Variants in ATG4A observed in about 807,000 individuals in gnomAD.
ATG4A encodes autophagy related 4A cysteine peptidase, also known as cysteine protease ATG4A.
A neutral mutation model predicts 38.4 loss-of-function variants in ATG4A; 22 were observed. The observed-to-expected ratio is 0.57, with a 90% CI of 0.41 to 0.82. The LOEUF (loss-of-function observed/expected upper bound fraction) is 0.82, where lower values mean the gene tolerates loss of function less well. Among genes scored for constraint, ATG4A ranks in the 40% least tolerant of loss-of-function variants. The pLI is 0.00. For missense variants in ATG4A, 220 were observed against 290.0 expected (o/e 0.76, Z 1.75); for synonymous variants, 86 against 100.7 (o/e 0.85, Z 0.88).
chrX:108,100,085 G>T (rs764547687), intron 1 of ATG4A, among the ~76,000 whole-genome samples: 13 of 111,553 alleles, frequency 1.2e-4, no homozygotes, highest in Non-Finnish European at 2.3e-4. Flanking sequence ...TCCAATCCAT[G>T]AGCACCATAT....
intron 2 of ATG4A, chrX:108,126,949 G>T: frequency 3.2e-6 from 1 of 313,510 alleles, no homozygotes; most frequent in Non-Finnish European, 5.9e-6. Context: ...ACAGGAAGAG[G>T]CTGATGAAAA....
chrX:108,089,539 A>T (rs1177796671), upstream of ATG4A, among the ~76,000 whole-genome samples: 1 of 112,681 alleles, frequency 8.9e-6, no homozygotes, highest in African/African-American at 3.2e-5. Flanking sequence ...TTTTATAAAA[A>T]ATAATAAGCT....
intron 4 of ATG4A, among the ~76,000 whole-genome samples, chrX:108,133,488 A>G (rs2033016473): frequency 8.9e-6 from 1 of 112,582 alleles, no homozygotes; most frequent in South Asian, 3.7e-4. Context: ...AAAGCTCAGC[A>G]TGGACTTTTT....
chrX:108,138,672 C>G (rs1231586864), intron 9 of ATG4A, among the ~76,000 whole-genome samples: 2 of 111,743 alleles, frequency 1.8e-5, no homozygotes, highest in East Asian at 5.6e-4. Context: ...TTAATGTGGA[C>G]CCGAGCAAGC....
chrX:108,089,226 C>T (rs904300781), upstream of ATG4A, among the ~76,000 whole-genome samples: 2 of 111,947 alleles, frequency 1.8e-5, no homozygotes, highest in Non-Finnish European at 3.8e-5. Flanking sequence ...TCCTACCATT[C>T]TACACAGTGC....
intron 1 of ATG4A, among the ~76,000 whole-genome samples, chrX:108,099,515 A>AT (rs377246839): frequency 2.7e-5 from 3 of 111,085 alleles, no homozygotes; most frequent in Non-Finnish European, 3.8e-5. Flanking sequence ...CAACTTATTG[A>AT]TTTTTTTCCC....
chrX:108,115,433 C>T (rs1443567853), intron 1 of ATG4A, among the ~76,000 whole-genome samples: 1 of 111,574 alleles, frequency 9.0e-6, no homozygotes, highest in East Asian at 2.8e-4. Flanking sequence ...GGTAATACCA[C>T]CTCCCAAATG....
chrX:108,110,148 G>A (rs937092340), intron 1 of ATG4A, among the ~76,000 whole-genome samples: 2 of 104,035 alleles, frequency 1.9e-5, no homozygotes, highest in Non-Finnish European at 3.9e-5. Flanking sequence ...AGGCGGGGGC[G>A]GATCACAAGA....
intron 12 of ATG4A, among the ~76,000 whole-genome samples, chrX:108,153,427 G>A (rs371319380): frequency 1.8e-5 from 2 of 112,104 alleles, no homozygotes; most frequent in Admixed American, 9.5e-5. Flanking sequence ...CCACATCACC[G>A]TCGTTAGGTT....
chrX:108,150,181 A>G lies in ATG4A; in HGVS notation c.844A>G (p.Thr282Ala). Residue 282 changes from threonine to alanine, a missense_variant, in exon 10 of 13, where the codon ACA becomes GCA. By Grantham distance (58) the Thr-to-Ala change is moderately conservative. Coordinates refer to ENST00000372232, the MANE Select transcript of ATG4A (RefSeq NM_052936.5). ...CGAGCTCATCTTCTTGGACCCTCAT[A>G]CAACCCAGACCTTTGTTGACACTGA... ...GDELIFLDPHTTQTFVDTEEN... is the reference protein window; with the variant it reads ...GDELIFLDPHATQTFVDTEEN... 8.3e-7 allele frequency: 1 copy of G among 1,211,750 alleles called. No homozygotes were observed. Among genetic ancestry groups the G allele is most frequent in the East Asian group, 3.0e-5 (1 of 33,829 alleles).
intron 9 of ATG4A, among the ~76,000 whole-genome samples, chrX:108,139,139 C>G (rs2033175819): frequency 9.0e-6 from 1 of 111,071 alleles, no homozygotes; most frequent in African/African-American, 3.3e-5. Context: ...GTGCAAAGGA[C>G]AGGGTGGAGA....
At chrX:108,102,445 A>T (rs113697396) in intron 1 of ATG4A, among the ~76,000 whole-genome samples, 1 of 112,041 alleles carries the variant, frequency 8.9e-6, no homozygotes, top group Middle Eastern at 4.2e-3. Flanking sequence ...AATAATTTAG[A>T]TATTGAACCC....
intron 1 of ATG4A, among the ~76,000 whole-genome samples, chrX:108,110,426 CT>C (rs1434805177): frequency 9.1e-6 from 1 of 110,145 alleles, no homozygotes; most frequent in Admixed American, 9.7e-5. Flanking sequence ...TATCCATCAT[CT>C]GAAATATTTA....
intron 2 of ATG4A, chrX:108,126,880 T>A: frequency 4.6e-6 from 3 of 653,699 alleles, no homozygotes; most frequent in Non-Finnish European, 6.6e-6. Context: ...AGCTCTGAGA[T>A]TTGTGTCTTT....
At chrX:108,093,993 A>G (rs1309217882) in intron 1 of ATG4A, among the ~76,000 whole-genome samples, 1 of 111,576 alleles carries the variant, frequency 9.0e-6, no homozygotes, top group Non-Finnish European at 1.9e-5. Context: ...ATATGCACAT[A>G]TATTCTCCCA....
chrX:108,119,145 C>G (rs184208735), intron 1 of ATG4A, among the ~76,000 whole-genome samples: 15 of 111,646 alleles, frequency 1.3e-4, no homozygotes, highest in Non-Finnish European at 2.6e-4. Context: ...CCTGCCTCCA[C>G]GTACTACAGA....
chrX:108,115,118 CGTGT>C lies in ATG4A; in HGVS notation c.11-10928_11-10925del, dbSNP rs748772447. On this transcript the variant is annotated intron_variant, in intron 1 of 12. Coordinates refer to ENST00000372232, the MANE Select transcript of ATG4A (RefSeq NM_052936.5). ...GTATGTGTGCATGTGTGCATGTATG[CGTGT>C]GTGTGTGTGTGTGTGTGTGTGTGTG... Among the ~76,000 whole-genome samples, 452 of 90,109 alleles carry C rather than the reference CGTGT, an allele frequency of 5.0e-3. 1 individual carries two copies. The highest frequency in any genetic ancestry group is 0.018 in the East Asian group (50 of 2,760). 78.2% of individuals were successfully genotyped at this position (90,109 alleles called of 115,157 possible).
chrX:108,108,906 T>C (rs1425789023), intron 1 of ATG4A, among the ~76,000 whole-genome samples: 1 of 112,286 alleles, frequency 8.9e-6, no homozygotes, highest in African/African-American at 3.2e-5. Context: ...CTTTATCCAT[T>C]TATCTATCAA....
intron 9 of ATG4A, among the ~76,000 whole-genome samples, chrX:108,142,165 A>G (rs2033313459): frequency 1.8e-5 from 2 of 111,442 alleles, no homozygotes; most frequent in South Asian, 7.7e-4. Context: ...CCAGCACTTT[A>G]GGAGGCCAAG....
Sources: gnomAD v4.1 joint callset for allele counts (sites outside exome capture counted in the v4.1 genomes callset) on GRCh38, gnomAD v4.1.1 for gene constraint, MANE v1.5 for transcripts, NCBI Gene and HGNC (gene_info 2026-07-23, HGNC 2026-07-21) for gene names.